The following ERI3 variants were observed in gnomAD, a reference collection of about 807,000 sequenced individuals.
ERI3 encodes the protein ERI1 exoribonuclease 3.
ERI3 carries 18 observed loss-of-function variants against 44.4 expected under a neutral mutation model. The observed-to-expected ratio is 0.41, with a 90% CI of 0.28 to 0.60. ERI3 has a LOEUF of 0.60. ERI3 is among the 20% of genes least tolerant of loss of function. The pLI is 0.36. For synonymous variants in ERI3, 183 were observed against 164.8 expected, an observed-to-expected ratio of 1.11 and a Z score of -0.84; for missense variants, 294 against 435.5, an observed-to-expected ratio of 0.68 and a Z score of 2.89.
At position 44,348,261 on chromosome 1, in the gene ERI3, C is replaced by A. The variant is rs149375180; in HGVS notation, c.211+4589G>T. 6.5e-4 allele frequency among the ~76,000 whole-genome samples: 99 copies of A among 152,230 alleles called. No homozygotes were observed. The East Asian group carries it at 0.019, about 29-fold the overall frequency. On this transcript the variant is annotated intron_variant, in intron 2 of 8. Coordinates refer to ENST00000372257, the MANE Select transcript of ERI3 (RefSeq NM_024066.3). ...AGAGTGAGAGACACAGAGAGACAGA[C>A]AGGGAGAGAGAGAATTGCCTTGGTG...
chr1:44,254,839 G>A (rs973476639), intron 7 of ERI3, among the ~76,000 whole-genome samples: 3 of 150,852 alleles, frequency 2.0e-5, no homozygotes, highest in East Asian at 3.9e-4. Flanking sequence ...GGCCAACACC[G>A]TACTTGTGCT....
At position 44,355,072 on chromosome 1, in the gene ERI3, T is replaced by G. The variant is rs1473933630; in HGVS notation, c.-46A>C. ...GCCAGCGCGGCAGGCTCCCTCCAGG[T>G]GCAGGCCCCGACGTCTCCCTCGGCC... On this transcript the variant is annotated 5_prime_UTR_variant, in exon 1 of 9. Transcript: ENST00000372257. The G allele has an allele frequency of 1.1e-5, 15 of 1,311,818 alleles. No individual in the cohort carries two copies. Among genetic ancestry groups the G allele is most frequent in the South Asian group, 2.6e-5 (1 of 38,230 alleles). The allele number at this position is 1,311,818 out of a possible 1,614,324, so 81.3% of individuals were successfully genotyped here. A position where few individuals can be genotyped will look rare whatever the true frequency, so the allele number is the denominator to read the frequency against.
intron 7 of ERI3, among the ~76,000 whole-genome samples, chr1:44,278,773 G>C (rs1645230291): frequency 6.6e-6 from 1 of 151,950 alleles, no homozygotes. Flanking sequence ...CTAATTTTTT[G>C]TATTTTTTAA....
rs561081102 is a variant in ERI3, at chr1:44,249,591, C to A, written c.832-1553G>T. ...TTCTCCTTGACCGCAGAGGTACCAGCCACAGCCCAACTTCCCAGCCAGCCT... is the reference window on the plus strand; with the variant it reads ...TTCTCCTTGACCGCAGAGGTACCAGACACAGCCCAACTTCCCAGCCAGCCT... On this transcript the variant is annotated intron_variant, in intron 7 of 8. Transcript: ENST00000372257. Among the ~76,000 whole-genome samples, 5 of 152,316 alleles carry A rather than the reference C, an allele frequency of 3.3e-5. No homozygotes were observed. The South Asian group carries it at 1.0e-3, about 32-fold the overall frequency.
At chr1:44,314,505 A>G (rs1301703636) in intron 4 of ERI3, among the ~76,000 whole-genome samples, 1 of 152,228 alleles carries the variant, frequency 6.6e-6, no homozygotes, top group African/African-American at 2.4e-5. Context: ...AATAAATTAG[A>G]AAGATTAACT....
chr1:44,331,548 G>C lies in ERI3; in HGVS notation c.489+7497C>G, dbSNP rs546792817. Among the ~76,000 whole-genome samples, 26 of 152,230 alleles carry C rather than the reference G, an allele frequency of 1.7e-4. No homozygotes were observed. The South Asian group carries it at 1.9e-3, about 11-fold the overall frequency. ...GTAAAATGCTCTTAAGCCTCTTCTA[G>C]CCTTTGTACTTCCACTTATAGCATC... On this transcript the variant is annotated intron_variant, in intron 3 of 8. Transcript: ENST00000372257.
intron 7 of ERI3, among the ~76,000 whole-genome samples, chr1:44,262,601 G>A (rs556189739): frequency 6.6e-4 from 100 of 152,336 alleles, no homozygotes; most frequent in Non-Finnish European, 4.9e-4. Flanking sequence ...CCCTTAGCAC[G>A]CTTGTGGCAG....
chr1:44,248,271 A>G (rs531636071), intron 7 of ERI3, among the ~76,000 whole-genome samples: 14 of 152,070 alleles, frequency 9.2e-5, no homozygotes, highest in African/African-American at 2.9e-4. Context: ...CTGGCCCTCA[A>G]TGGGTGCCCC....
rs142099568 is a variant in ERI3, at chr1:44,252,976, G to A, written c.832-4938C>T. Among the ~76,000 whole-genome samples the A allele has an allele frequency of 3.9e-5, 6 of 152,302 alleles. No individual in the cohort carries two copies. The highest frequency in any genetic ancestry group is 7.4e-5 in the Non-Finnish European group (5 of 68,026). On this transcript the variant is annotated intron_variant, in intron 7 of 8. Coordinates refer to ENST00000372257, the MANE Select transcript of ERI3 (RefSeq NM_024066.3). This position sits in a 1 kb window ranked among gnomAD's most constrained non-coding sequence, Gnocchi z 4.7. The stretch of plus-strand genomic sequence containing the variant: ...GAGCAGGCCTTTAACCATACCTCTG[G>A]ATGACTTGTCACCCTGCAGGTGATT...
intron 5 of ERI3, 95 bp from the exon 6 acceptor site, chr1:44,308,496 C>G (rs1645887891): frequency 2.1e-6 from 2 of 967,998 alleles, no homozygotes; most frequent in Non-Finnish European, 3.4e-6. Context: ...TGCTTGTAAT[C>G]AGAACAGGAG....
chr1:44,350,925 G>A (rs1646876975), intron 2 of ERI3, among the ~76,000 whole-genome samples: 1 of 151,950 alleles, frequency 6.6e-6, no homozygotes, highest in African/African-American at 2.4e-5. Context: ...TGCCACAGAA[G>A]ATAAAAATAA....
intron 1 of ERI3, 72 bp from the exon 2 acceptor site, chr1:44,352,997 A>G: frequency 6.2e-7 from 1 of 1,600,336 alleles, no homozygotes; most frequent in Non-Finnish European, 8.5e-7. Context: ...GAAGGATACT[A>G]CACCTCAAAC....
At position 44,286,855 on chromosome 1, in the gene ERI3, C is replaced by G. The variant is rs376310752; in HGVS notation, c.759-1948G>C. ...TCCAGAAAGCTTCCATCAGAGTTCC[C>G]TTCTCCAAGCCACATATCCTTATCA... On this transcript the variant is annotated intron_variant, in intron 6 of 8. Coordinates refer to ENST00000372257, the MANE Select transcript of ERI3 (RefSeq NM_024066.3). Among the ~76,000 whole-genome samples, 28 of 152,276 alleles carry G rather than the reference C, an allele frequency of 1.8e-4. 2 individuals are homozygous for G. In the South Asian group the frequency reaches 5.6e-3, roughly 30 times the overall value.
At chr1:44,270,255 C>T (rs529376011) in intron 7 of ERI3, among the ~76,000 whole-genome samples, 1 of 152,348 alleles carries the variant, frequency 6.6e-6, no homozygotes, top group South Asian at 2.1e-4. Flanking sequence ...CCACCACACC[C>T]CATCTTTCTC....
Position 44,309,623 on chromosome 1 carries a change from G to A in ERI3, c.667-1222C>T, listed in dbSNP as rs565455073. ...GATGTCACCCAGGCTGGAGTGCAGTGGCACGATCTTGGCTCACTGCAAGCT... is the reference window on the plus strand; with the variant it reads ...GATGTCACCCAGGCTGGAGTGCAGTAGCACGATCTTGGCTCACTGCAAGCT... On this transcript the variant is annotated intron_variant, in intron 5 of 8. Coordinates refer to ENST00000372257, the MANE Select transcript of ERI3 (RefSeq NM_024066.3). 7.2e-5 allele frequency among the ~76,000 whole-genome samples: 11 copies of A among 152,146 alleles called. No homozygotes were observed. In the East Asian group the frequency reaches 1.6e-3, roughly 22 times the overall value.
intron 7 of ERI3, among the ~76,000 whole-genome samples, chr1:44,260,716 G>C (rs1644876493): frequency 6.6e-6 from 1 of 152,072 alleles, no homozygotes; most frequent in South Asian, 2.1e-4. Flanking sequence ...AAATTCATCA[G>C]ATCTGAGGTA....
chr1:44,245,496 C>T (rs1353597115), intron 8 of ERI3, among the ~76,000 whole-genome samples: 1 of 152,162 alleles, frequency 6.6e-6, no homozygotes, highest in Non-Finnish European at 1.5e-5. Context: ...TGAGCCTTCC[C>T]AATAACCCAG....
chr1:44,334,280 T>C (rs17416416), intron 3 of ERI3, among the ~76,000 whole-genome samples: 3,936 of 152,322 alleles, frequency 0.026, 71 homozygotes, highest in Middle Eastern at 0.041. Context: ...TTCTGAACAC[T>C]GAGGTGGTGA....
chr1:44,322,778 G>A lies in ERI3; in HGVS notation c.490-3034C>T, dbSNP rs1415438745. The stretch of plus-strand genomic sequence containing the variant: ...ATACTTCCCAGAACCTCAAAATACT[G>A]GCCCAAACAGCCCAGTAGTGGGAGA... On this transcript the variant is annotated intron_variant, in intron 3 of 8. Coordinates refer to ENST00000372257, the MANE Select transcript of ERI3 (RefSeq NM_024066.3). 3 of 1,549,936 alleles carry A rather than the reference G, an allele frequency of 1.9e-6. No individual in the cohort carries two copies. In the Admixed American group the frequency reaches 5.9e-5, roughly 30 times the overall value.
Sources: gnomAD v4.1 joint callset for allele counts (sites outside exome capture counted in the v4.1 genomes callset) on GRCh38, gnomAD v4.1.1 for gene constraint, Gnocchi (gnomAD v3.1) non-coding constraint, MANE v1.5 for transcripts, NCBI Gene and HGNC (gene_info 2026-07-23, HGNC 2026-07-21) for gene names.